CNIH3: variants seen among roughly 807,000 people sequenced by gnomAD.
The protein encoded by CNIH3 is protein cornichon homolog 3.
CNIH3 carries 14 observed loss-of-function variants against 24.1 expected under a neutral mutation model. That is an observed-to-expected ratio of 0.58 (90% CI 0.38 to 0.91). The LOEUF (loss-of-function observed/expected upper bound fraction) is 0.91, where lower values mean the gene tolerates loss of function less well. Ranked by LOEUF, CNIH3 falls within the 40% of genes least tolerant of loss-of-function variation. The pLI is 0.00. For synonymous variants in CNIH3, 68 were observed against 73.8 expected (o/e 0.92, Z 0.40); for missense variants, 178 against 196.8 (o/e 0.90, Z 0.57).
intron 1 of CNIH3, among the ~76,000 whole-genome samples, chr1:224,520,223 C>G (rs1355588705): frequency 2.0e-5 from 3 of 152,138 alleles, no homozygotes; most frequent in Non-Finnish European, 4.4e-5. Flanking sequence ...TTTAGGACAC[C>G]CTAAATTTAT....
At chr1:224,617,573 G>A (rs1683076857) in intron 1 of CNIH3, among the ~76,000 whole-genome samples, 1 of 152,250 alleles carries the variant, frequency 6.6e-6, no homozygotes, top group Admixed American at 6.5e-5. Context: ...GTCCTCTCCT[G>A]CCGGCGGGAG....
At chr1:224,521,428 A>T (rs1232578020) in intron 2 of CNIH3, 1 of 152,084 alleles carries the variant, frequency 6.6e-6, no homozygotes, top group East Asian at 1.9e-4. Context: ...TTTTGTTTTC[A>T]CCTGCCCAGT....
At chr1:224,695,425 C>T (rs1337896665) in intron 3 of CNIH3, among the ~76,000 whole-genome samples, 1 of 151,914 alleles carries the variant, frequency 6.6e-6, no homozygotes, top group Admixed American at 6.6e-5. Flanking sequence ...CTGGAGAGCC[C>T]TAACTAATGC....
intron 3 of CNIH3, among the ~76,000 whole-genome samples, chr1:224,607,417 C>T (rs772656399): frequency 6.6e-6 from 1 of 152,094 alleles, no homozygotes; most frequent in Non-Finnish European, 1.5e-5. Flanking sequence ...AAAGGGAGGG[C>T]AGATAAAAGA....
In CNIH3 at chr1:224,684,157, C is replaced by T. The variant is rs969079885; in HGVS notation, c.151-639C>T. ...AAGGGAGGCAACGGCATTTAGTGCA[C>T]GATGCGGGCATCATCACCTGCCCAG... On this transcript the variant is annotated intron_variant, in intron 2 of 5. Coordinates refer to ENST00000272133, the MANE Select transcript of CNIH3 (RefSeq NM_152495.2). The surrounding 1 kb of genome is among the most constrained non-coding windows in gnomAD (Gnocchi z 4.2). Among the ~76,000 whole-genome samples the T allele has an allele frequency of 3.3e-5, 5 of 152,270 alleles. No homozygotes were observed. Among genetic ancestry groups the T allele is most frequent in the African/African-American group, 1.2e-4 (5 of 41,530 alleles).
At chr1:224,614,714 C>T (rs972159920), upstream of CNIH3, among the ~76,000 whole-genome samples, 1 of 151,828 alleles carries the variant, frequency 6.6e-6, no homozygotes, top group African/African-American at 2.4e-5. Flanking sequence ...TTTGGGAGGC[C>T]GAGGTGGGTA....
chr1:224,709,822 A>AG (rs1368795585), intron 3 of CNIH3, among the ~76,000 whole-genome samples: 1 of 152,194 alleles, frequency 6.6e-6, no homozygotes, highest in Admixed American at 6.5e-5. Flanking sequence ...TCATTACAGT[A>AG]GTACCCCCTT....
chr1:224,459,342 G>T (rs974976693), intron 1 of CNIH3: 14 of 487,630 alleles, frequency 2.9e-5, no homozygotes, highest in Non-Finnish European at 3.7e-5. Context: ...GTGATGAAAA[G>T]AAATCCTTGC....
At chr1:224,738,559 G>A (rs1572848034) in intron 5 of CNIH3, among the ~76,000 whole-genome samples, 1 of 152,274 alleles carries the variant, frequency 6.6e-6, no homozygotes, top group East Asian at 1.9e-4. Flanking sequence ...CTTCTTAGAT[G>A]AATCTTTTTT....
intron 2 of CNIH3, among the ~76,000 whole-genome samples, chr1:224,542,682 C>T (rs190244245): frequency 2.6e-5 from 4 of 152,232 alleles, no homozygotes; most frequent in Admixed American, 2.6e-4. Context: ...GGAGAATGGA[C>T]CAAGAGAGAT....
At chr1:224,705,714 G>C (rs1343524515) in intron 3 of CNIH3, among the ~76,000 whole-genome samples, 2 of 152,070 alleles carry the variant, frequency 1.3e-5, no homozygotes, top group African/African-American at 4.8e-5. Flanking sequence ...CTGCAGAGAG[G>C]GATGTCTCTC....
chr1:224,674,437 T>C (rs1283665507), intron 1 of CNIH3, among the ~76,000 whole-genome samples: 1 of 152,080 alleles, frequency 6.6e-6, no homozygotes, highest in Non-Finnish European at 1.5e-5. Flanking sequence ...AGTGTTTCTA[T>C]AGTTTCCCAC....
intron 1 of CNIH3, among the ~76,000 whole-genome samples, chr1:224,641,217 G>A (rs2125092052): frequency 6.6e-6 from 1 of 152,302 alleles, no homozygotes; most frequent in South Asian, 2.1e-4. Context: ...AGCACCTGCT[G>A]TACAGCAAGA....
rs192133817 is a variant in CNIH3 at position 224,462,096 on chromosome 1, C to A, written n.203+27234C>A. ...TACACCCTGCCCTGCTCCATGTAAA[C>A]CCTCCCCCATTATCACCATCCGCAC... On this transcript the variant is annotated intron_variant and non_coding_transcript_variant, in intron 1 of 5. Coordinates refer to the CNIH3 transcript ENST00000471578. Among the ~76,000 whole-genome samples the A allele has an allele frequency of 1.4e-4, 21 of 152,172 alleles. No homozygotes were observed. The East Asian group carries it at 2.9e-3, about 21-fold the overall frequency.
chr1:224,705,914 G>A (rs6656922), intron 3 of CNIH3, among the ~76,000 whole-genome samples: 112,566 of 143,354 alleles, frequency 0.79, 44,415 homozygotes, highest in Middle Eastern at 0.89. Flanking sequence ...AGCTCACATC[G>A]TCACTTCGGG....
intron 3 of CNIH3, among the ~76,000 whole-genome samples, chr1:224,699,155 G>A (rs531743458): frequency 9.2e-5 from 14 of 152,210 alleles, no homozygotes; most frequent in African/African-American, 3.4e-4. Context: ...GGACATTCCC[G>A]GGCATAACCA....
At chr1:224,452,676 G>A (rs1675465767) in intron 1 of CNIH3, among the ~76,000 whole-genome samples, 1 of 151,112 alleles carries the variant, frequency 6.6e-6, no homozygotes, top group Admixed American at 6.6e-5. Context: ...CAGCTACTCG[G>A]GAGGCTGAGG....
At chr1:224,732,258 A>C (rs1456458440) in intron 4 of CNIH3, among the ~76,000 whole-genome samples, 1 of 152,164 alleles carries the variant, frequency 6.6e-6, no homozygotes, top group African/African-American at 2.4e-5. Context: ...AATTGGGTGC[A>C]GGTGAGGGAG....
intron 3 of CNIH3, among the ~76,000 whole-genome samples, chr1:224,601,084 T>C (rs1426990055): frequency 2.0e-5 from 3 of 152,206 alleles, no homozygotes; most frequent in Non-Finnish European, 4.4e-5. Flanking sequence ...AAGAAAGTTT[T>C]AGGACAGGAA....
Sources: allele counts gnomAD v4.1 joint callset (sites outside exome capture counted in the v4.1 genomes callset), GRCh38; gene constraint gnomAD v4.1.1; non-coding constraint Gnocchi (gnomAD v3.1); transcripts MANE v1.5; gene names NCBI Gene and HGNC (gene_info 2026-07-23, HGNC 2026-07-21).